The following DGKB variants were observed in gnomAD, a reference collection of about 807,000 sequenced individuals.
DGKB encodes 90 kDa diacylglycerol kinase.
A neutral mutation model predicts 114.3 loss-of-function variants in DGKB; 67 were observed. The ratio of observed to expected loss-of-function variants is 0.59; its 90% CI spans 0.48 to 0.72. The LOEUF (loss-of-function observed/expected upper bound fraction) is 0.72. Ranked by LOEUF, DGKB falls within the 30% of genes least tolerant of loss-of-function variation. DGKB has a pLI of 0.00. For synonymous variants in DGKB, 398 were observed against 323.1 expected, an observed-to-expected ratio of 1.23 and a Z score of -2.49; for missense variants, 907 against 975.2, an observed-to-expected ratio of 0.93 and a Z score of 0.93.
At position 14,337,820 on chromosome 7, in the gene DGKB, G is replaced by A. The variant is rs529467849; in HGVS notation, c.2122+695C>T. ...TACATAAACTATTGGGACATGATTA[G>A]TTATCAGAATATCACATTGATATCT... On this transcript the variant is annotated intron_variant, in intron 23 of 25. Transcript: ENST00000402815. Among the ~76,000 whole-genome samples, 5 of 149,528 alleles carry A rather than the reference G, an allele frequency of 3.3e-5. No individual in the cohort carries two copies. The East Asian group carries it at 7.7e-4, about 23-fold the overall frequency.
intron 20 of DGKB, among the ~76,000 whole-genome samples, chr7:14,571,761 A>G (rs1798419970): frequency 6.6e-6 from 1 of 152,198 alleles, no homozygotes; most frequent in African/African-American, 2.4e-5. Flanking sequence ...CAGTGACCAT[A>G]TGGATGCGAT....
At chr7:14,243,152 GA>G (rs1054389342) in intron 23 of DGKB, among the ~76,000 whole-genome samples, 7 of 150,054 alleles carry the variant, frequency 4.7e-5, no homozygotes, top group Non-Finnish European at 7.4e-5. Context: ...GGTAGGAAAA[GA>G]AAAAAAAATA....
At chr7:14,314,750 G>A (rs1482618544) in intron 23 of DGKB, among the ~76,000 whole-genome samples, 3 of 151,552 alleles carry the variant, frequency 2.0e-5, no homozygotes, top group Non-Finnish European at 4.4e-5. Flanking sequence ...TAGCAAGGCA[G>A]GCCAACGTTC....
chr7:14,562,760 T>C (rs79792400), intron 20 of DGKB, among the ~76,000 whole-genome samples: 499 of 152,282 alleles, frequency 3.3e-3, no homozygotes, highest in African/African-American at 0.011. Flanking sequence ...TGCCTTTGAT[T>C]TTACAGGCTC....
At chr7:14,583,219 C>T (rs1034997055) in intron 17 of DGKB, 82 bp from the exon 18 acceptor site, 16 of 719,280 alleles carry the variant, frequency 2.2e-5, no homozygotes, top group African/African-American at 9.2e-5. Context: ...ACATTTTACC[C>T]GATGAAATAC....
At chr7:14,965,317 G>T (rs1208345337) in intron 1 of DGKB, among the ~76,000 whole-genome samples, 1 of 151,992 alleles carries the variant, frequency 6.6e-6, no homozygotes, top group Non-Finnish European at 1.5e-5. Context: ...AGAATGAGAG[G>T]AGTTATAAAA....
chr7:14,605,378 A>G (rs1405586014), intron 17 of DGKB, among the ~76,000 whole-genome samples: 1 of 148,116 alleles, frequency 6.8e-6, no homozygotes, highest in Non-Finnish European at 1.5e-5. Context: ...ATATATATAT[A>G]CACCTATATA....
chr7:14,668,910 C>A (rs944260227), intron 13 of DGKB, among the ~76,000 whole-genome samples: 3 of 152,004 alleles, frequency 2.0e-5, no homozygotes, highest in African/African-American at 7.3e-5. Context: ...ATTCATAAAG[C>A]TGGAATGTAA....
At position 14,935,177 on chromosome 7, in the gene DGKB, T is replaced by C. The variant is rs113259395; in HGVS notation, c.-188+39519A>G. On this transcript the variant is annotated intron_variant, in intron 1 of 4. Transcript: ENST00000437998. ...TGGCTTTGGCAGGCTTATCGATCTG[T>C]GAATTGTGGCTGTTTTTAAAGGGAA... Among the ~76,000 whole-genome samples, 1,162 of 152,242 alleles carry C rather than the reference T, an allele frequency of 7.6e-3. 20 individuals carry two copies. The highest frequency in any genetic ancestry group is 0.026 in the African/African-American group (1,068 of 41,554).
At chr7:14,731,748 A>G (rs140984430) in intron 5 of DGKB, among the ~76,000 whole-genome samples, 3 of 152,186 alleles carry the variant, frequency 2.0e-5, no homozygotes, top group Non-Finnish European at 4.4e-5. Flanking sequence ...TGTATAAAGA[A>G]GGAAATTAAC....
intron 6 of DGKB, among the ~76,000 whole-genome samples, chr7:14,708,446 C>A (rs1199198095): frequency 1.4e-5 from 2 of 144,000 alleles, no homozygotes; most frequent in Admixed American, 6.9e-5. Flanking sequence ...ACTTTCTTCA[C>A]AGAATTGGAA....
chr7:14,184,495 G>T (rs1783111164), intron 23 of DGKB, among the ~76,000 whole-genome samples: 1 of 152,130 alleles, frequency 6.6e-6, no homozygotes, highest in Admixed American at 6.5e-5. Context: ...TGAGGCCTGT[G>T]ACTGTGGGCT....
chr7:14,451,682 G>C (rs1347005760), intron 21 of DGKB, among the ~76,000 whole-genome samples: 2 of 151,956 alleles, frequency 1.3e-5, no homozygotes, highest in African/African-American at 4.8e-5. Flanking sequence ...CTGAGAAAGA[G>C]GAAAGTAAAG....
chr7:14,633,533 G>T (rs1015438599), intron 13 of DGKB, among the ~76,000 whole-genome samples: 2 of 151,854 alleles, frequency 1.3e-5, no homozygotes, highest in Non-Finnish European at 2.9e-5. Context: ...ATGGTACTTA[G>T]ATCTAAAAGA....
At chr7:14,533,156 C>G (rs1265833705) in intron 20 of DGKB, among the ~76,000 whole-genome samples, 1 of 151,674 alleles carries the variant, frequency 6.6e-6, no homozygotes, top group Non-Finnish European at 1.5e-5. Context: ...GAAAGTTCAG[C>G]AAATAAACAT....
intron 20 of DGKB, among the ~76,000 whole-genome samples, chr7:14,550,135 T>A (rs960287926): frequency 6.6e-6 from 1 of 152,152 alleles, no homozygotes; most frequent in Non-Finnish European, 1.5e-5. Flanking sequence ...TAAAAACAAA[T>A]TATTCATTAT....
chr7:14,897,439 G>C (rs73287444), intron 1 of DGKB, among the ~76,000 whole-genome samples: 5,550 of 151,818 alleles, frequency 0.037, 316 homozygotes, highest in African/African-American at 0.13. Flanking sequence ...ATTAAAATCA[G>C]TGTGTTTTTT....
At chr7:14,770,643 A>G (rs1262455390) in intron 2 of DGKB, among the ~76,000 whole-genome samples, 1 of 152,112 alleles carries the variant, frequency 6.6e-6, no homozygotes, top group Non-Finnish European at 1.5e-5. Context: ...ATTCTAGAAC[A>G]TCCCAGGACA....
At chr7:14,569,798 A>G (rs1798109195) in intron 20 of DGKB, among the ~76,000 whole-genome samples, 1 of 151,996 alleles carries the variant, frequency 6.6e-6, no homozygotes, top group Non-Finnish European at 1.5e-5. Flanking sequence ...AAATGTATAA[A>G]TTAATTGAAT....
Sources: gnomAD v4.1 joint callset for allele counts (sites outside exome capture counted in the v4.1 genomes callset) on GRCh38, gnomAD v4.1.1 for gene constraint, MANE v1.5 for transcripts, NCBI Gene and HGNC (gene_info 2026-07-23, HGNC 2026-07-21) for gene names.